LATS2: variants seen among roughly 807,000 people sequenced by gnomAD.
LATS2 encodes serine/threonine-protein kinase LATS2.
Under a neutral mutation model 76.0 loss-of-function variants are expected in LATS2, and 24 were observed. The observed-to-expected ratio is 0.32, with a 90% CI of 0.23 to 0.44. The LOEUF (loss-of-function observed/expected upper bound fraction) is 0.44, where lower values mean the gene tolerates loss of function less well. Ranked by LOEUF, LATS2 falls within the 20% of genes least tolerant of loss-of-function variation. The pLI, the probability that LATS2 is intolerant of heterozygous loss-of-function variation, is 1.00. For synonymous variants in LATS2, 692 were observed against 635.4 expected, an observed-to-expected ratio of 1.09 and a Z score of -1.34; for missense variants, 1,286 against 1,481.2, an observed-to-expected ratio of 0.87 and a Z score of 2.16.
Position 20,988,246 on chromosome 13 carries a change from T to A in LATS2, c.1534A>T (p.Arg512Trp), listed in dbSNP as rs758926751. 1 of 1,602,434 alleles carries A rather than the reference T, an allele frequency of 6.2e-7. No homozygotes were observed. The highest frequency in any genetic ancestry group is 1.1e-5 in the South Asian group (1 of 90,874). The change falls in exon 4 of 8, where the codon AGG becomes TGG. Residue 512 changes from arginine to tryptophan, a missense_variant. Transcript: ENST00000382592. Reference protein sequence around the residue: ...LDVEYGGPDRRCPPPPYPKHL... With the variant: ...LDVEYGGPDRWCPPPPYPKHL... ...TTCGGGTAGGGCGGAGGCGGGCACC[T>A]CCGGTCTGGGCCTCCGTACTCCACG...
chr13:20,980,251 C>G lies in LATS2; in HGVS notation c.2666-454G>C, dbSNP rs534312946. Among the ~76,000 whole-genome samples, 10 of 152,202 alleles carry G rather than the reference C, an allele frequency of 6.6e-5. No individual in the cohort carries two copies. In the South Asian group the frequency reaches 2.1e-3, roughly 32 times the overall value. On this transcript the variant is annotated intron_variant, in intron 6 of 7. Transcript: ENST00000382592. ...GGAGATGAGGAGGAGGTGGGCAAAACCCACCGGACAATTCACTGTAAGCCA... is the reference window on the plus strand; with the variant it reads ...GGAGATGAGGAGGAGGTGGGCAAAAGCCACCGGACAATTCACTGTAAGCCA...
At chr13:21,047,361 A>C (rs1180552797) in intron 1 of LATS2, among the ~76,000 whole-genome samples, 2 of 152,134 alleles carry the variant, frequency 1.3e-5, no homozygotes, top group African/African-American at 4.8e-5. Flanking sequence ...CTTGGAACAC[A>C]CAACATCCTC....
chr13:21,042,983 CA>C (rs71200326), intron 2 of LATS2, among the ~76,000 whole-genome samples: 3 of 104,852 alleles, frequency 2.9e-5, no homozygotes, highest in Admixed American at 8.9e-5. Context: ...GACTCCGTCT[CA>C]AAAAAAAAAC....
intron 7 of LATS2, among the ~76,000 whole-genome samples, chr13:20,977,099 T>TC (rs1869656629): frequency 6.6e-6 from 1 of 152,070 alleles, no homozygotes; most frequent in African/African-American, 2.4e-5. Context: ...TGACTCCACT[T>TC]ACAAGAAGTC....
intron 2 of LATS2, among the ~76,000 whole-genome samples, chr13:21,021,272 A>C (rs547866094): frequency 6.6e-6 from 1 of 152,230 alleles, no homozygotes; most frequent in East Asian, 1.9e-4. Flanking sequence ...CAGGAGTTCA[A>C]GACCAGCCTG....
intron 2 of LATS2, among the ~76,000 whole-genome samples, chr13:21,039,018 G>A (rs1009649706): frequency 3.3e-5 from 5 of 152,204 alleles, no homozygotes; most frequent in African/African-American, 1.2e-4. Flanking sequence ...GGCTTAAGGG[G>A]AGAGGGGATT....
At chr13:21,046,697 A>G (rs1873087248) in intron 1 of LATS2, among the ~76,000 whole-genome samples, 1 of 152,088 alleles carries the variant, frequency 6.6e-6, no homozygotes, top group South Asian at 2.1e-4. Flanking sequence ...GTCCTTCCAT[A>G]TCTTTAGAAA....
chr13:21,010,982 A>G (rs978325376), intron 2 of LATS2, among the ~76,000 whole-genome samples: 2 of 152,254 alleles, frequency 1.3e-5, no homozygotes, highest in African/African-American at 4.8e-5. Flanking sequence ...GTTTACATTG[A>G]AGGCTGCAGC....
intron 3 of LATS2, 43 bp from the exon 4 acceptor site, chr13:20,989,347 A>G (rs1870408352): frequency 6.2e-7 from 1 of 1,605,864 alleles, no homozygotes; most frequent in Non-Finnish European, 8.5e-7. Flanking sequence ...AGTGGGTGTG[A>G]TCAGTGGGTT....
At chr13:21,005,093 A>C (rs1461794881) in intron 2 of LATS2, 1 of 152,238 alleles carries the variant, frequency 6.6e-6, no homozygotes, top group Non-Finnish European at 1.5e-5. Flanking sequence ...GGGAACCATT[A>C]GTCAAGAGGG....
chr13:21,018,112 T>C (rs1478319930), intron 2 of LATS2: 1 of 152,248 alleles, frequency 6.6e-6, no homozygotes, highest in Non-Finnish European at 1.5e-5. Context: ...AGTTTTGATC[T>C]GAGACTTTTA....
intron 2 of LATS2, among the ~76,000 whole-genome samples, chr13:21,020,731 A>C (rs1331954539): frequency 6.6e-6 from 1 of 152,168 alleles, no homozygotes; most frequent in Admixed American, 6.5e-5. Flanking sequence ...TTTTTCCACT[A>C]GGAAGGCTGT....
intron 2 of LATS2, among the ~76,000 whole-genome samples, chr13:21,024,384 C>T (rs1047090961): frequency 2.6e-5 from 4 of 152,002 alleles, no homozygotes; most frequent in East Asian, 1.9e-4. Flanking sequence ...TGCAGTGAGC[C>T]GAGATCGCGC....
intron 4 of LATS2, among the ~76,000 whole-genome samples, chr13:20,985,125 G>A (rs1204791858): frequency 6.6e-6 from 1 of 152,112 alleles, no homozygotes; most frequent in African/African-American, 2.4e-5. Flanking sequence ...TCACCATATA[G>A]GAATGTCAAC....
At chr13:21,009,333 C>T (rs1871481233) in intron 2 of LATS2, among the ~76,000 whole-genome samples, 1 of 152,180 alleles carries the variant, frequency 6.6e-6, no homozygotes, top group Non-Finnish European at 1.5e-5. Flanking sequence ...GAACAGCCAT[C>T]TCTCCCCGAC....
At chr13:20,989,404 G>A (rs373546130) in intron 3 of LATS2, 100 bp from the exon 4 acceptor site, 6 of 1,269,702 alleles carry the variant, frequency 4.7e-6, no homozygotes, top group South Asian at 2.6e-5. Context: ...CCTCGGGGCT[G>A]AGGGTCTTGA....
At chr13:21,033,146 C>A (rs891716839) in intron 2 of LATS2, among the ~76,000 whole-genome samples, 1 of 151,714 alleles carries the variant, frequency 6.6e-6, no homozygotes, top group Non-Finnish European at 1.5e-5. Flanking sequence ...AGCAGGCCAC[C>A]GGAGAAAGTA....
At position 20,974,815 on chromosome 13, in the gene LATS2, G is replaced by A. The variant is rs919098637; in HGVS notation, c.*55C>T. On this transcript the variant is annotated 3_prime_UTR_variant, in exon 8 of 8. Coordinates refer to ENST00000382592, the MANE Select transcript of LATS2 (RefSeq NM_014572.3). Reference sequence around the variant, plus strand: ...TTCCCTATTGGCCTGTGAGGGCACCGGCTCCGGGACCCTGACCTGGGAGGC... The same window carrying A: ...TTCCCTATTGGCCTGTGAGGGCACCAGCTCCGGGACCCTGACCTGGGAGGC... 27 of 1,539,406 alleles carry A rather than the reference G, an allele frequency of 1.8e-5. No individual in the cohort carries two copies. Among genetic ancestry groups the A allele is most frequent in the Middle Eastern group, 2.4e-4 (1 of 4,202 alleles).
At chr13:21,028,935 G>C (rs1379630879) in intron 2 of LATS2, among the ~76,000 whole-genome samples, 2 of 152,144 alleles carry the variant, frequency 1.3e-5, no homozygotes. Flanking sequence ...TACTGACCTT[G>C]TATCCTGTGA....
Sources: gnomAD v4.1 joint callset for allele counts (sites outside exome capture counted in the v4.1 genomes callset) on GRCh38, gnomAD v4.1.1 for gene constraint, MANE v1.5 for transcripts, NCBI Gene and HGNC (gene_info 2026-07-23, HGNC 2026-07-21) for gene names.